Variants in SNX29 observed in about 807,000 individuals in gnomAD.
SNX29 encodes sorting nexin 29.
A neutral mutation model predicts 102.1 loss-of-function variants in SNX29; 78 were observed. The ratio of observed to expected loss-of-function variants is 0.76; its 90% CI spans 0.64 to 0.92. The LOEUF is 0.92. Ranked by LOEUF, SNX29 falls within the 40% of genes least tolerant of loss-of-function variation. The pLI, the probability that SNX29 is intolerant of heterozygous loss-of-function variation, is 0.00. For missense variants in SNX29, 1,280 were observed against 1,061.7 expected (o/e 1.21, Z -2.86); for synonymous variants, 580 against 414.5 (o/e 1.40, Z -4.85).
chr16:12,551,273 C>G (rs186297959), intron 20 of SNX29, among the ~76,000 whole-genome samples: 1 of 152,086 alleles, frequency 6.6e-6, no homozygotes, highest in African/African-American at 2.4e-5. Context: ...GTTCAGACAC[C>G]GTCAAATGTT....
At chr16:12,188,222 TACAC>T (rs1314969118) in intron 13 of SNX29, among the ~76,000 whole-genome samples, 2 of 152,206 alleles carry the variant, frequency 1.3e-5, no homozygotes, top group Non-Finnish European at 2.9e-5. Context: ...ACTTTATTTA[TACAC>T]ACACATACTT....
chr16:12,363,515 G>C (rs2082365273), intron 16 of SNX29, among the ~76,000 whole-genome samples: 1 of 152,168 alleles, frequency 6.6e-6, no homozygotes, highest in Admixed American at 6.5e-5. Flanking sequence ...GCTGACCATA[G>C]TGCGAGGTTC....
chr16:12,327,525 A>C (rs1356226412), intron 15 of SNX29, among the ~76,000 whole-genome samples: 1 of 152,002 alleles, frequency 6.6e-6, no homozygotes, highest in African/African-American at 2.4e-5. Context: ...TTGTCCTTCT[A>C]AGAAGAGGAG....
chr16:11,976,781 CA>C lies in SNX29; in HGVS notation c.-25del. 7.4e-7 allele frequency: 1 copy of C among 1,346,984 alleles called. No homozygotes were observed. The highest frequency in any genetic ancestry group is 1.8e-5 in the South Asian group (1 of 55,114). The allele number at this position is 1,346,984 out of a possible 1,614,324, so 83.4% of individuals were successfully genotyped here. A position where few individuals can be genotyped will look rare whatever the true frequency, so the allele number is the denominator to read the frequency against. ...AAGCGGCAGCGGCGGCGGCGCGGCG[CA>C]GGCACCGGCCCGGGGAGAGGCACCA... On this transcript the variant is annotated 5_prime_UTR_variant, in exon 1 of 21. Transcript: ENST00000566228.
At chr16:12,550,907 G>A (rs894613286) in intron 20 of SNX29, among the ~76,000 whole-genome samples, 2 of 152,178 alleles carry the variant, frequency 1.3e-5, no homozygotes, top group East Asian at 3.8e-4. Context: ...GCTCAGAATT[G>A]CTGGTTTTAT....
intron 1 of SNX29, among the ~76,000 whole-genome samples, chr16:11,978,985 C>T (rs919280006): frequency 6.6e-6 from 1 of 151,578 alleles, no homozygotes; most frequent in Non-Finnish European, 1.5e-5. Flanking sequence ...ATTAAAAAAT[C>T]ATTACGTCTG....
At chr16:12,458,664 A>G (rs1313164679) in intron 18 of SNX29, among the ~76,000 whole-genome samples, 1 of 152,194 alleles carries the variant, frequency 6.6e-6, no homozygotes, top group East Asian at 1.9e-4. Context: ...TGAATTGTGT[A>G]GATGAGTTAG....
At chr16:12,056,718 T>C (rs971201158) in intron 8 of SNX29, among the ~76,000 whole-genome samples, 18 of 152,262 alleles carry the variant, frequency 1.2e-4, no homozygotes, top group African/African-American at 3.9e-4. Flanking sequence ...TCTGCCTCTG[T>C]ATTTATCATA....
chr16:12,161,930 C>T (rs1329407741), intron 13 of SNX29, among the ~76,000 whole-genome samples: 1 of 152,228 alleles, frequency 6.6e-6, no homozygotes, highest in Non-Finnish European at 1.5e-5. Context: ...AATTACCCAG[C>T]CTCAGGTATT....
chr16:12,396,971 G>A (rs1192606627), intron 16 of SNX29, among the ~76,000 whole-genome samples: 1 of 152,184 alleles, frequency 6.6e-6, no homozygotes, highest in Non-Finnish European at 1.5e-5. Flanking sequence ...CTGCAGCCTT[G>A]AACTCCAGGA....
chr16:12,421,497 C>T (rs1221249714), intron 18 of SNX29, among the ~76,000 whole-genome samples: 1 of 152,158 alleles, frequency 6.6e-6, no homozygotes, highest in Non-Finnish European at 1.5e-5. Flanking sequence ...ATTTGATTTC[C>T]CTTAACACAT....
At chr16:12,265,330 C>T (rs551254900) in intron 14 of SNX29, among the ~76,000 whole-genome samples, 32 of 152,262 alleles carry the variant, frequency 2.1e-4, no homozygotes, top group African/African-American at 7.2e-4. Context: ...ATCACATGAG[C>T]AGGTGGGACT....
At position 12,562,416 on chromosome 16, in the gene SNX29, C is replaced by G. The variant is rs150682821; in HGVS notation, c.2319-6090C>G. Among the ~76,000 whole-genome samples the G allele has an allele frequency of 6.2e-4, 94 of 152,262 alleles. 1 individual carries two copies. Among genetic ancestry groups the G allele is most frequent in the African/African-American group, 2.1e-3 (89 of 41,552 alleles). On this transcript the variant is annotated intron_variant, in intron 20 of 20. Coordinates refer to ENST00000566228, the MANE Select transcript of SNX29 (RefSeq NM_032167.5). Reference sequence around the variant, plus strand: ...ACAGATCACATACCATACAATTTACCCACTTAAAGTGCACACAGCTTGCTA... The same window carrying G: ...ACAGATCACATACCATACAATTTACGCACTTAAAGTGCACACAGCTTGCTA...
rs192229902 is a variant in SNX29, at chr16:12,233,334, C to T, written c.1678+33651C>T. ...CTGTTATCCTAAGCAAATTAGTGCC[C>T]CAACAGAAAACCAGATATTGCATGT... On this transcript the variant is annotated intron_variant, in intron 14 of 20. Transcript: ENST00000566228. Among the ~76,000 whole-genome samples the T allele has an allele frequency of 3.7e-3, 559 of 152,162 alleles. 4 individuals carry two copies. Among genetic ancestry groups the T allele is most frequent in the African/African-American group, 0.013 (532 of 41,516 alleles).
chr16:12,006,878 C>G (rs2056472016), intron 3 of SNX29, among the ~76,000 whole-genome samples: 1 of 152,132 alleles, frequency 6.6e-6, no homozygotes, highest in Non-Finnish European at 1.5e-5. Context: ...CTTGGCCACC[C>G]AAAGTGTTGG....
At chr16:12,035,884 TG>T (rs2057458691) in intron 4 of SNX29, among the ~76,000 whole-genome samples, 1 of 152,230 alleles carries the variant, frequency 6.6e-6, no homozygotes, top group Non-Finnish European at 1.5e-5. Flanking sequence ...GTGATAAAGC[TG>T]GCTTCATCCC....
rs538562410 is a variant in SNX29 at position 12,371,986 on chromosome 16, T to A, written c.1899+15707T>A. Among the ~76,000 whole-genome samples, 150 of 152,282 alleles carry A rather than the reference T, an allele frequency of 9.9e-4. 1 individual carries two copies. The highest frequency in any genetic ancestry group is 3.5e-3 in the African/African-American group (144 of 41,554). On this transcript the variant is annotated intron_variant, in intron 16 of 20. Transcript: ENST00000566228. ...TAACATTTTTTCTAAGTTATATAAA[T>A]AATATAAAAATACATTTCTGAAAGA... is the stretch of plus-strand genomic sequence containing the variant.
rs375218874 is a variant in SNX29 at position 12,164,754 on chromosome 16, C to A, written c.1596-34847C>A. ...CCAGGCTGGAGTGCGGTGGTATGAT[C>A]TTAGCTCACTGCAACATCCGCCTCC... On this transcript the variant is annotated intron_variant, in intron 13 of 20. Coordinates refer to ENST00000566228, the MANE Select transcript of SNX29 (RefSeq NM_032167.5). 1.7e-3 allele frequency among the ~76,000 whole-genome samples: 223 copies of A among 128,250 alleles called. 1 individual carries two copies. Among genetic ancestry groups the A allele is most frequent in the African/African-American group, 6.7e-3 (217 of 32,490 alleles). The allele number at this position is 128,250 out of a possible 152,430, so 84.1% of individuals were successfully genotyped here. A position where few individuals can be genotyped will look rare whatever the true frequency, so the allele number is the denominator to read the frequency against.
At position 12,558,833 on chromosome 16, in the gene SNX29, C is replaced by T. The variant is rs1291867132; in HGVS notation, c.2319-9673C>T. 2.6e-5 allele frequency among the ~76,000 whole-genome samples: 4 copies of T among 152,336 alleles called. No individual in the cohort carries two copies. The East Asian group carries it at 5.8e-4, about 22-fold the overall frequency. On this transcript the variant is annotated intron_variant, in intron 20 of 20. Transcript: ENST00000566228. Reference sequence around the variant, plus strand: ...GGCTCCCTAGGGGCAGGGCCACAGTCACCAAGAGCCACAAGAGGGCCACAG... The same window carrying T: ...GGCTCCCTAGGGGCAGGGCCACAGTTACCAAGAGCCACAAGAGGGCCACAG...
Sources: allele counts gnomAD v4.1 joint callset (sites outside exome capture counted in the v4.1 genomes callset), GRCh38; gene constraint gnomAD v4.1.1; transcripts MANE v1.5; gene names NCBI Gene and HGNC (gene_info 2026-07-23, HGNC 2026-07-21).